The following CENPP variants were observed in gnomAD, a reference collection of about 807,000 sequenced individuals.
The protein encoded by CENPP is centromere protein P.
CENPP carries 24 observed loss-of-function variants against 35.6 expected under a neutral mutation model. That is an observed-to-expected ratio of 0.67 (90% CI 0.49 to 0.95). CENPP has a LOEUF of 0.95. CENPP is among the 40% of genes least tolerant of loss of function. The pLI is 0.00. For missense variants in CENPP, 332 were observed against 345.3 expected, an observed-to-expected ratio of 0.96 and a Z score of 0.31; for synonymous variants, 120 against 125.5, an observed-to-expected ratio of 0.96 and a Z score of 0.29.
At chr9:92,602,352 G>C (rs1242303775) in intron 5 of CENPP, among the ~76,000 whole-genome samples, 2 of 152,240 alleles carry the variant, frequency 1.3e-5, no homozygotes, top group African/African-American at 4.8e-5. Context: ...CGTTGGTGTT[G>C]CCATGAGCCA....
chr9:92,530,341 AG>A (rs1310764863), intron 5 of CENPP, among the ~76,000 whole-genome samples: 1 of 152,200 alleles, frequency 6.6e-6, no homozygotes, highest in Non-Finnish European at 1.5e-5. Flanking sequence ...TTTTGATAGT[AG>A]GGGAAAAGCA....
intron 4 of CENPP, among the ~76,000 whole-genome samples, chr9:92,349,774 C>T (rs1396793825): frequency 1.3e-5 from 2 of 152,170 alleles, no homozygotes; most frequent in African/African-American, 4.8e-5. Context: ...TGTATGTATA[C>T]ACACACATAC....
chr9:92,437,702 G>T (rs1224246512), intron 5 of CENPP, among the ~76,000 whole-genome samples: 1 of 152,026 alleles, frequency 6.6e-6, no homozygotes, highest in African/African-American at 2.4e-5. Flanking sequence ...ATTGTGCCTA[G>T]GCTTTTCATC....
At chr9:92,579,065 C>A (rs1290796389) in intron 5 of CENPP, among the ~76,000 whole-genome samples, 1 of 150,678 alleles carries the variant, frequency 6.6e-6, no homozygotes, top group Admixed American at 6.6e-5. Flanking sequence ...GGAATCCTTT[C>A]CCCATTGCTT....
chr9:92,506,476 A>G (rs1009715233), intron 5 of CENPP, among the ~76,000 whole-genome samples: 1 of 152,204 alleles, frequency 6.6e-6, no homozygotes, highest in African/African-American at 2.4e-5. Flanking sequence ...CTCAGCAATG[A>G]TAATACCCAA....
chr9:92,386,874 G>T (rs1842444180), intron 5 of CENPP, among the ~76,000 whole-genome samples: 1 of 151,282 alleles, frequency 6.6e-6, no homozygotes, highest in East Asian at 2.0e-4. Context: ...GAGCCACCAT[G>T]CCCGGCCTAA....
chr9:92,496,186 G>A (rs1846336342), intron 5 of CENPP: 3 of 1,396,802 alleles, frequency 2.1e-6, no homozygotes, highest in Admixed American at 6.5e-5. Flanking sequence ...CTGTGTGTTA[G>A]TGAATCAGGT....
chr9:92,438,286 T>A (rs747443496), intron 5 of CENPP, among the ~76,000 whole-genome samples: 4 of 152,204 alleles, frequency 2.6e-5, no homozygotes, highest in Admixed American at 2.6e-4. Context: ...GAGGTTAGGA[T>A]CTAAGTTCAC....
chr9:92,372,827 T>A (rs1039659897), intron 4 of CENPP, among the ~76,000 whole-genome samples: 4 of 152,084 alleles, frequency 2.6e-5, no homozygotes, highest in African/African-American at 9.7e-5. Context: ...TTTCTTTTTT[T>A]TTTTGATAGG....
intron 5 of CENPP, chr9:92,496,517 T>TG (rs773601879): frequency 6.3e-7 from 1 of 1,590,632 alleles, no homozygotes; most frequent in East Asian, 2.3e-5. Context: ...TCACACATGG[T>TG]CCCAGTAATA....
At chr9:92,479,677 T>G (rs1845842462) in intron 5 of CENPP, among the ~76,000 whole-genome samples, 1 of 152,236 alleles carries the variant, frequency 6.6e-6, no homozygotes, top group Non-Finnish European at 1.5e-5. Flanking sequence ...AAAATTCATT[T>G]CTCTCTGCTA....
intron 5 of CENPP, among the ~76,000 whole-genome samples, chr9:92,447,006 A>T (rs1261674655): frequency 6.6e-6 from 1 of 152,036 alleles, no homozygotes; most frequent in Non-Finnish European, 1.5e-5. Flanking sequence ...CTGTGGGGAC[A>T]TCTGGCCTTC....
rs1056499445 is a variant in CENPP, at chr9:92,616,084, A to G, written c.*2935A>G. On this transcript the variant is annotated 3_prime_UTR_variant, in exon 8 of 8. Transcript: ENST00000375587. ...TGCAAGTAAAAAGTACCATTTCAGG[A>G]TACACAAGCCCCCCATTCATTTCCC... 3 of 1,506,098 alleles carry G rather than the reference A, an allele frequency of 2.0e-6. No individual in the cohort carries two copies. The highest frequency in any genetic ancestry group is 2.7e-5 in the African/African-American group (2 of 72,736). 93.3% of individuals were successfully genotyped at this position (1,506,098 alleles called of 1,614,324 possible). A position where few individuals can be genotyped will look rare whatever the true frequency, so the allele number is the denominator to read the frequency against.
chr9:92,581,108 G>T (rs930139876), intron 5 of CENPP, among the ~76,000 whole-genome samples: 1 of 152,000 alleles, frequency 6.6e-6, no homozygotes, highest in African/African-American at 2.4e-5. Flanking sequence ...GTAGTTGAGC[G>T]GTTTTGAGTG....
intron 5 of CENPP, chr9:92,493,432 T>C (rs967402780): frequency 2.0e-5 from 3 of 152,228 alleles, no homozygotes; most frequent in Non-Finnish European, 4.4e-5. Context: ...GTTCTGTATG[T>C]CTTTCACTAA....
chr9:92,505,679 A>G lies in CENPP; in HGVS notation c.565-105635A>G, dbSNP rs897701212. On this transcript the variant is annotated intron_variant, in intron 5 of 7. Transcript: ENST00000375587. ...TTTCCTTCCAATTCTAAGGTGACCA[A>G]CTGATTTAAGTCTATAAAAAATAAA... 8 of 1,583,610 alleles carry G rather than the reference A, an allele frequency of 5.1e-6. No homozygotes were observed. The East Asian group carries it at 9.0e-5, about 18-fold the overall frequency.
intron 5 of CENPP, chr9:92,457,214 TA>T: frequency 5.2e-6 from 8 of 1,543,666 alleles, no homozygotes; most frequent in Non-Finnish European, 7.0e-6. Context: ...CTACCATTAT[TA>T]ATAGAGTTCA....
At chr9:92,573,762 C>T (rs1054394858) in intron 5 of CENPP, among the ~76,000 whole-genome samples, 3 of 152,212 alleles carry the variant, frequency 2.0e-5, no homozygotes, top group South Asian at 2.1e-4. Flanking sequence ...TCGAGCTTCC[C>T]GGCTGCTTTG....
In CENPP at chr9:92,464,619, C is replaced by A. The variant is rs1286863817; in HGVS notation, c.564+84760C>A. ...TCTGTATAGAATTCTCTACCTCTAA[C>A]AGGTACTGCACAGAATGACAGGTAT... On this transcript the variant is annotated intron_variant, in intron 5 of 7. Coordinates refer to ENST00000375587, the MANE Select transcript of CENPP (RefSeq NM_001012267.3). The A allele has an allele frequency of 1.0e-5, 5 of 501,714 alleles. No individual in the cohort carries two copies. The Admixed American group carries it at 1.1e-4, about 11-fold the overall frequency. The allele number at this position is 501,714 out of a possible 1,614,324, so 31.1% of individuals were successfully genotyped here. A position where few individuals can be genotyped will look rare whatever the true frequency, so the allele number is the denominator to read the frequency against.
Sources: gnomAD v4.1 joint callset for allele counts (sites outside exome capture counted in the v4.1 genomes callset) on GRCh38, gnomAD v4.1.1 for gene constraint, MANE v1.5 for transcripts, NCBI Gene and HGNC (gene_info 2026-07-23, HGNC 2026-07-21) for gene names.